ITSN1: variants seen among roughly 807,000 people sequenced by gnomAD.
ITSN1 encodes the protein intersectin-1.
A neutral mutation model predicts 239.8 loss-of-function variants in ITSN1; 58 were observed. That is an observed-to-expected ratio of 0.24 (90% confidence interval 0.20 to 0.30). The LOEUF (loss-of-function observed/expected upper bound fraction) is 0.30, where lower values mean the gene tolerates loss of function less well. Among genes scored for constraint, ITSN1 ranks in the 10% least tolerant of loss-of-function variants. The pLI is 1.00. For missense variants in ITSN1, 1,558 were observed against 2,103.3 expected (o/e 0.74, Z 5.07); for synonymous variants, 780 against 770.8 (o/e 1.01, Z -0.20).
intron 27 of ITSN1, among the ~76,000 whole-genome samples, chr21:33,830,325 AT>A (rs557065026): frequency 1.6e-4 from 24 of 152,320 alleles, no homozygotes; most frequent in African/African-American, 5.5e-4. Flanking sequence ...TCATTGGTGG[AT>A]GCCCAATCTG....
At chr21:33,840,909 CAAGAT>C (rs1477269212) in intron 29 of ITSN1, among the ~76,000 whole-genome samples, 19 of 152,172 alleles carry the variant, frequency 1.2e-4, no homozygotes, top group Admixed American at 1.2e-3. Context: ...TAGCATTAGA[CAAGAT>C]GAGTCCAAAT....
rs148499832 is a variant in ITSN1 at position 33,752,562 on chromosome 21, G to A, written c.623+656G>A. Among the ~76,000 whole-genome samples the A allele has an allele frequency of 5.1e-4, 78 of 152,188 alleles. 1 individual carries two copies. The highest frequency in any genetic ancestry group is 1.7e-3 in the Admixed American group (26 of 15,294). ...TTACCCTTGCATACTGCTACATTAA[G>A]AAGAGAAATTAAGTCTCTTTTAAGC... is the stretch of plus-strand genomic sequence containing the variant. On this transcript the variant is annotated intron_variant, in intron 7 of 39. Transcript: ENST00000381318.
At chr21:33,778,579 T>TGTAAGTCTGTAGTATCTGTAGTGA (rs1569160614) in intron 14 of ITSN1, among the ~76,000 whole-genome samples, 9 of 115,360 alleles carry the variant, frequency 7.8e-5, no homozygotes, top group African/African-American at 3.8e-4. Flanking sequence ...CTCTTTTTTT[T>TGTAAGTCTGTAGTATCTGTAGTGA]TTTTTTTTTT....
intron 1 of ITSN1, among the ~76,000 whole-genome samples, chr21:33,650,031 A>G (rs565349224): frequency 1.4e-4 from 19 of 133,450 alleles, no homozygotes; most frequent in African/African-American, 4.4e-4. Flanking sequence ...TCTGTCTCAG[A>G]AAAAAAAAAA....
intron 5 of ITSN1, among the ~76,000 whole-genome samples, chr21:33,740,093 A>G (rs1265756569): frequency 6.6e-6 from 1 of 152,256 alleles, no homozygotes; most frequent in East Asian, 1.9e-4. Flanking sequence ...CACATGAATA[A>G]CTAGATGGAT....
intron 5 of ITSN1, among the ~76,000 whole-genome samples, chr21:33,746,025 G>A (rs1341645657): frequency 1.3e-5 from 2 of 152,196 alleles, no homozygotes; most frequent in African/African-American, 4.8e-5. Flanking sequence ...AGGTGTTTGA[G>A]CACAACTTCC....
chr21:33,658,667 C>T (rs1401668765), intron 1 of ITSN1, among the ~76,000 whole-genome samples: 4 of 152,206 alleles, frequency 2.6e-5, no homozygotes. Flanking sequence ...AACTTCAATA[C>T]ATCTAGAGCA....
chr21:33,860,845 A>C (rs1044222510), intron 31 of ITSN1, among the ~76,000 whole-genome samples: 1 of 152,184 alleles, frequency 6.6e-6, no homozygotes, highest in Non-Finnish European at 1.5e-5. Flanking sequence ...TTGGGCATTA[A>C]GGTGGCAGTC....
intron 31 of ITSN1, among the ~76,000 whole-genome samples, chr21:33,863,830 T>C (rs1981082859): frequency 6.6e-6 from 1 of 152,214 alleles, no homozygotes; most frequent in Non-Finnish European, 1.5e-5. Context: ...TTTTTGCTCG[T>C]TGTGGTATTT....
intron 1 of ITSN1, among the ~76,000 whole-genome samples, chr21:33,671,380 G>A (rs369162345): frequency 3.9e-5 from 6 of 151,902 alleles, no homozygotes; most frequent in East Asian, 2.0e-4. Context: ...CCCGCCTCCC[G>A]GATTCAAGTG....
chr21:33,752,749 T>C (rs2067642388), intron 7 of ITSN1, among the ~76,000 whole-genome samples: 1 of 150,374 alleles, frequency 6.7e-6, no homozygotes, highest in Non-Finnish European at 1.5e-5. Flanking sequence ...GATGGGAGGA[T>C]GGCTGGAGCC....
At chr21:33,716,154 G>A (rs2065126687) in intron 1 of ITSN1, among the ~76,000 whole-genome samples, 1 of 152,054 alleles carries the variant, frequency 6.6e-6, no homozygotes, top group South Asian at 2.1e-4. Flanking sequence ...TGTGCTTGGG[G>A]GCTCCACGTA....
intron 11 of ITSN1, among the ~76,000 whole-genome samples, chr21:33,770,314 C>T (rs541433468): frequency 2.4e-4 from 36 of 152,194 alleles, no homozygotes; most frequent in African/African-American, 8.2e-4. Flanking sequence ...CTGCCTGCCT[C>T]GGCCTCCCAA....
At chr21:33,757,893 T>C (rs1450789710) in intron 8 of ITSN1, among the ~76,000 whole-genome samples, 1 of 152,158 alleles carries the variant, frequency 6.6e-6, no homozygotes, top group Non-Finnish European at 1.5e-5. Flanking sequence ...CTTTCTTTTT[T>C]TGAAACAGAG....
At chr21:33,742,242 A>T (rs2066905704) in intron 5 of ITSN1, among the ~76,000 whole-genome samples, 1 of 151,994 alleles carries the variant, frequency 6.6e-6, no homozygotes, top group Non-Finnish European at 1.5e-5. Flanking sequence ...TTTTTAGTAG[A>T]GACGGGGTTT....
At chr21:33,674,956 T>C (rs1237891982) in intron 1 of ITSN1, among the ~76,000 whole-genome samples, 1 of 152,080 alleles carries the variant, frequency 6.6e-6, no homozygotes, top group Non-Finnish European at 1.5e-5. Flanking sequence ...CTCATTATAA[T>C]GAAAGAAAAA....
At chr21:33,852,560 G>A (rs1019730362) in intron 29 of ITSN1, among the ~76,000 whole-genome samples, 1 of 151,946 alleles carries the variant, frequency 6.6e-6, no homozygotes, top group Admixed American at 6.6e-5. Flanking sequence ...ATTTTCTCCA[G>A]GGCCTAGACT....
chr21:33,829,169 G>C (rs896561258), intron 26 of ITSN1: 5 of 371,670 alleles, frequency 1.3e-5, no homozygotes, highest in Non-Finnish European at 2.6e-5. Flanking sequence ...TCTTTCTACT[G>C]TACTTGGCAG....
intron 11 of ITSN1, among the ~76,000 whole-genome samples, chr21:33,768,030 C>A (rs1203020018): frequency 6.6e-6 from 1 of 152,202 alleles, no homozygotes; most frequent in Non-Finnish European, 1.5e-5. Context: ...ATTATGCACT[C>A]TGCTAATGCA....
Sources: gnomAD v4.1 joint callset for allele counts (sites outside exome capture counted in the v4.1 genomes callset) on GRCh38, gnomAD v4.1.1 for gene constraint, MANE v1.5 for transcripts, NCBI Gene and HGNC (gene_info 2026-07-23, HGNC 2026-07-21) for gene names.